Variants in HCN1 observed in about 807,000 individuals in gnomAD.
The protein encoded by HCN1 is hyperpolarization activated cyclic nucleotide gated potassium channel 1.
In HCN1, 13 loss-of-function variants were observed where a neutral mutation model predicts 78.9. That is an observed-to-expected ratio of 0.16 (90% CI 0.11 to 0.26). The LOEUF (loss-of-function observed/expected upper bound fraction) is 0.26, where lower values mean the gene tolerates loss of function less well. HCN1 is among the 10% of genes least tolerant of loss of function. The pLI, the probability that HCN1 is intolerant of heterozygous loss-of-function variation, is 1.00. For missense variants in HCN1, 810 were observed against 1,154.3 expected, an observed-to-expected ratio of 0.70 and a Z score of 4.32; for synonymous variants, 552 against 455.5, an observed-to-expected ratio of 1.21 and a Z score of -2.70.
intron 2 of HCN1, among the ~76,000 whole-genome samples, chr5:45,502,313 A>C (rs1453587975): frequency 1.3e-5 from 2 of 151,804 alleles, no homozygotes; most frequent in East Asian, 1.9e-4. Context: ...ACTAAAAAAA[A>C]AAAACAAAAC....
chr5:45,643,772 T>C (rs1289363082), intron 2 of HCN1: 1 of 152,154 alleles, frequency 6.6e-6, no homozygotes, highest in Non-Finnish European at 1.5e-5. Flanking sequence ...GAATCAAACA[T>C]ACTAGCTGAC....
chr5:45,682,577 C>A (rs1739724960), intron 1 of HCN1, among the ~76,000 whole-genome samples: 1 of 151,782 alleles, frequency 6.6e-6, no homozygotes, highest in Non-Finnish European at 1.5e-5. Context: ...CTACTTTATA[C>A]TCTGCTTACT....
At chr5:45,550,389 C>G (rs1452830892) in intron 2 of HCN1, among the ~76,000 whole-genome samples, 1 of 152,068 alleles carries the variant, frequency 6.6e-6, no homozygotes. Flanking sequence ...AGCAAACTAT[C>G]GCAAGGACAA....
chr5:45,600,882 G>A (rs1431840938), intron 2 of HCN1, among the ~76,000 whole-genome samples: 1 of 152,092 alleles, frequency 6.6e-6, no homozygotes, highest in African/African-American at 2.4e-5. Flanking sequence ...TTGCAGAAAG[G>A]CTAAACTTTA....
At chr5:45,556,052 T>C (rs1743461546) in intron 2 of HCN1, among the ~76,000 whole-genome samples, 1 of 151,740 alleles carries the variant, frequency 6.6e-6, no homozygotes, top group African/African-American at 2.4e-5. Flanking sequence ...TATACAAAAG[T>C]CAAATCAAAA....
chr5:45,467,678 C>A (rs1034830847), intron 2 of HCN1, among the ~76,000 whole-genome samples: 5 of 152,098 alleles, frequency 3.3e-5, no homozygotes, highest in African/African-American at 1.2e-4. Context: ...AACCCATTCT[C>A]TCTTTCTACT....
intron 3 of HCN1, among the ~76,000 whole-genome samples, chr5:45,426,450 C>T (rs1380615547): frequency 2.0e-5 from 3 of 152,134 alleles, no homozygotes. Flanking sequence ...GTAATTGAAT[C>T]GTGGTTGTGA....
intron 2 of HCN1, among the ~76,000 whole-genome samples, chr5:45,595,481 G>T (rs1403734792): frequency 6.6e-6 from 1 of 152,022 alleles, no homozygotes; most frequent in Non-Finnish European, 1.5e-5. Context: ...GGAATTACAG[G>T]TGCATGCCAC....
At chr5:45,488,943 G>T (rs1741826177) in intron 2 of HCN1, among the ~76,000 whole-genome samples, 1 of 152,162 alleles carries the variant, frequency 6.6e-6, no homozygotes, top group South Asian at 2.1e-4. Context: ...TTGCCTTAAA[G>T]CCTTGATTTT....
In HCN1 at chr5:45,350,369, G is replaced by A. The variant is rs374666535; in HGVS notation, c.1377+2731C>T. Reference sequence around the variant, plus strand: ...TCAATAAATTAGGTATTGATGGGGCGTATCTCAAAATAATAAGAGCTATCT... The same window carrying A: ...TCAATAAATTAGGTATTGATGGGGCATATCTCAAAATAATAAGAGCTATCT... On this transcript the variant is annotated intron_variant, in intron 5 of 7. Coordinates refer to ENST00000303230, the MANE Select transcript of HCN1 (RefSeq NM_021072.4). 7.3e-4 allele frequency among the ~76,000 whole-genome samples: 111 copies of A among 152,156 alleles called. 1 individual carries two copies. In the East Asian group the frequency reaches 0.011, roughly 15 times the overall value.
rs1288712505 is a variant in HCN1 at position 45,255,110 on chromosome 5, A to G, written c.*6811T>C. On this transcript the variant is annotated 3_prime_UTR_variant, in exon 8 of 8. Coordinates refer to ENST00000303230, the MANE Select transcript of HCN1 (RefSeq NM_021072.4). ...ATAAGGAAATTATAATACCTAACACATATTAGTTTTCTCTTCCCTGGTTCT... is the reference window on the plus strand; with the variant it reads ...ATAAGGAAATTATAATACCTAACACGTATTAGTTTTCTCTTCCCTGGTTCT... The G allele has an allele frequency of 6.6e-6, 1 of 152,224 alleles. No individual in the cohort carries two copies. Among genetic ancestry groups the G allele is most frequent in the African/African-American group, 2.4e-5 (1 of 41,472 alleles). The allele number at this position is 152,224 out of a possible 1,614,324, so 9.4% of individuals were successfully genotyped here.
intron 1 of HCN1, chr5:45,694,995 A>G (rs1289868863): frequency 6.6e-6 from 1 of 152,242 alleles, no homozygotes; most frequent in African/African-American, 2.4e-5. Context: ...TGTTTCAGGA[A>G]CTAGAGGCTT....
intron 2 of HCN1, among the ~76,000 whole-genome samples, chr5:45,548,274 G>T (rs1743273319): frequency 6.6e-6 from 1 of 151,244 alleles, no homozygotes; most frequent in Non-Finnish European, 1.5e-5. Context: ...TACAATCAAT[G>T]CCCTAAATAT....
chr5:45,351,580 T>A, intron 5 of HCN1, among the ~76,000 whole-genome samples: 1 of 112,192 alleles, frequency 8.9e-6, no homozygotes, highest in Non-Finnish European at 1.7e-5. Context: ...ACCATCAGAG[T>A]GAACAGGCAA....
chr5:45,562,716 T>C (rs1013141988), intron 2 of HCN1, among the ~76,000 whole-genome samples: 5 of 152,152 alleles, frequency 3.3e-5, no homozygotes, highest in Non-Finnish European at 7.4e-5. Context: ...ATAAAAAGAC[T>C]AAAACCAGAA....
intron 5 of HCN1, among the ~76,000 whole-genome samples, chr5:45,315,344 T>C (rs866666663): frequency 6.6e-6 from 1 of 152,118 alleles, no homozygotes; most frequent in Admixed American, 6.5e-5. Flanking sequence ...AAGGCAGAAA[T>C]AAAGATGTCC....
In HCN1 at chr5:45,695,657, G is replaced by C. The variant is rs748471108; in HGVS notation, c.425+12C>G. The C allele has an allele frequency of 1.6e-5, 25 of 1,610,124 alleles. No homozygotes were observed. Among genetic ancestry groups the C allele is most frequent in the Non-Finnish European group, 1.8e-5 (21 of 1,178,512 alleles). Reference sequence around the variant, plus strand: ...CTGAAGGGAGGGTGGGGCGGCGACCGGGAGCCCTCACCTGAAATCACTGTA... The same window carrying C: ...CTGAAGGGAGGGTGGGGCGGCGACCCGGAGCCCTCACCTGAAATCACTGTA... On this transcript the variant is annotated intron_variant, in intron 1 of 7. Coordinates refer to ENST00000303230, the MANE Select transcript of HCN1 (RefSeq NM_021072.4).
chr5:45,460,772 C>T (rs752890799), intron 3 of HCN1, among the ~76,000 whole-genome samples: 1 of 148,642 alleles, frequency 6.7e-6, no homozygotes. Context: ...GAAGACAATA[C>T]ATCTTAACTG....
At chr5:45,588,291 C>A (rs1023116572) in intron 2 of HCN1, among the ~76,000 whole-genome samples, 2 of 151,936 alleles carry the variant, frequency 1.3e-5, no homozygotes, top group African/African-American at 2.4e-5. Flanking sequence ...TAAGTTTGTC[C>A]CCATAGGTAG....
Sources: gnomAD v4.1 joint callset for allele counts (sites outside exome capture counted in the v4.1 genomes callset) on GRCh38, gnomAD v4.1.1 for gene constraint, MANE v1.5 for transcripts, NCBI Gene and HGNC (gene_info 2026-07-23, HGNC 2026-07-21) for gene names.